Variants in UBE4B observed in about 807,000 individuals in gnomAD.
UBE4B encodes the protein ubiquitination factor E4B.
In UBE4B, 27 loss-of-function variants were observed where a neutral mutation model predicts 148.1. That is an observed-to-expected ratio of 0.18 (90% confidence interval 0.13 to 0.25). UBE4B has a LOEUF of 0.25. Among genes scored for constraint, UBE4B ranks in the 10% least tolerant of loss-of-function variants. The pLI, the probability that UBE4B is intolerant of heterozygous loss-of-function variation, is 1.00. For missense variants in UBE4B, 1,170 were observed against 1,662.4 expected, an observed-to-expected ratio of 0.70 and a Z score of 5.15; for synonymous variants, 596 against 619.3, an observed-to-expected ratio of 0.96 and a Z score of 0.56.
chr1:10,097,509 G>T (rs1644947480), intron 3 of UBE4B, among the ~76,000 whole-genome samples: 1 of 152,026 alleles, frequency 6.6e-6, no homozygotes, highest in Admixed American at 6.6e-5. Flanking sequence ...GCATTTGAAA[G>T]ATATTATTTT....
intron 3 of UBE4B, among the ~76,000 whole-genome samples, chr1:10,098,279 C>T (rs1327057108): frequency 1.3e-5 from 2 of 152,160 alleles, no homozygotes; most frequent in Admixed American, 6.6e-5. Flanking sequence ...TAAATATCAT[C>T]TACCATATTG....
intron 2 of UBE4B, 138 bp from the exon 3 acceptor site, chr1:10,095,322 TA>T: frequency 1.0e-6 from 1 of 984,316 alleles, no homozygotes; most frequent in Non-Finnish European, 1.5e-6. Flanking sequence ...GCTTTTTATA[TA>T]ATCTTCTGAT....
intron 11 of UBE4B, 95 bp downstream of exon 11, chr1:10,126,972 C>T: frequency 7.2e-6 from 8 of 1,114,146 alleles, no homozygotes; most frequent in Non-Finnish European, 8.0e-6. Flanking sequence ...ATGAGATCAA[C>T]CTTGTTTTCA....
At chr1:10,039,777 T>C (rs1487731517) in intron 1 of UBE4B, among the ~76,000 whole-genome samples, 1 of 152,008 alleles carries the variant, frequency 6.6e-6, no homozygotes, top group Non-Finnish European at 1.5e-5. Context: ...TTTTAGGGAT[T>C]TTAAGAGATT....
intron 3 of UBE4B, among the ~76,000 whole-genome samples, chr1:10,097,052 A>AAAAT (rs554089049): frequency 2.2e-5 from 3 of 138,514 alleles, no homozygotes; most frequent in Admixed American, 1.5e-4. Context: ...AAAAAAAAAA[A>AAAAT]AATAATAATA....
rs1646486023 is a variant in UBE4B at position 10,180,151 on chromosome 1, A to G, written c.*195A>G. 1.6e-6 allele frequency: 1 copy of G among 615,632 alleles called. No homozygotes were observed. The highest frequency in any genetic ancestry group is 1.8e-5 in the African/African-American group (1 of 54,058). 38.1% of individuals were successfully genotyped at this position (615,632 alleles called of 1,614,324 possible). ...AGAGGAGCCCGCTTCCTGTACATAT[A>G]TTTAAGTGACAAACACGGTCAAAAG... is the stretch of plus-strand genomic sequence containing the variant. On this transcript the variant is annotated 3_prime_UTR_variant, in exon 28 of 28. Coordinates refer to ENST00000343090, the MANE Select transcript of UBE4B (RefSeq NM_001105562.3).
At chr1:10,124,689 GAA>G (rs1557575473) in intron 10 of UBE4B, among the ~76,000 whole-genome samples, 1 of 152,122 alleles carries the variant, frequency 6.6e-6, no homozygotes, top group Non-Finnish European at 1.5e-5. Context: ...ATCTTTGACT[GAA>G]ATATCTACCT....
chr1:10,150,257 G>C (rs1056022040), intron 20 of UBE4B, among the ~76,000 whole-genome samples: 3 of 152,048 alleles, frequency 2.0e-5, no homozygotes, highest in African/African-American at 7.2e-5. Flanking sequence ...ATTTTGATTG[G>C]TATGAAATTT....
chr1:10,108,120 C>T (rs1462021331), intron 7 of UBE4B, among the ~76,000 whole-genome samples: 2 of 151,818 alleles, frequency 1.3e-5, no homozygotes, highest in South Asian at 2.1e-4. Flanking sequence ...TATTTAGTAA[C>T]GGGAGAGGGG....
intron 1 of UBE4B, among the ~76,000 whole-genome samples, chr1:10,057,457 C>G (rs1447166335): frequency 7.0e-6 from 1 of 142,880 alleles, no homozygotes; most frequent in East Asian, 2.0e-4. Flanking sequence ...GTGTCTGTTG[C>G]CCAGGCTGGA....
intron 10 of UBE4B, among the ~76,000 whole-genome samples, chr1:10,122,426 T>C (rs561865105): frequency 1.8e-3 from 273 of 152,338 alleles, no homozygotes; most frequent in Middle Eastern, 3.4e-3. Context: ...AGATAAGTAG[T>C]GTCAAAAATT....
intron 20 of UBE4B, among the ~76,000 whole-genome samples, chr1:10,150,602 C>T (rs1645954077): frequency 6.6e-6 from 1 of 152,204 alleles, no homozygotes; most frequent in Admixed American, 6.5e-5. Flanking sequence ...TGGCTCATGC[C>T]TGTAATCCCA....
At chr1:10,120,411 C>T (rs6664155) in intron 9 of UBE4B, among the ~76,000 whole-genome samples, 141,004 of 152,292 alleles carry the variant, frequency 0.93, 65,417 homozygotes, top group African/African-American at 0.98. Context: ...TAATCCCAGC[C>T]ACCTGGGAGG....
chr1:10,088,837 C>T (rs1398603272), intron 2 of UBE4B, among the ~76,000 whole-genome samples: 1 of 151,860 alleles, frequency 6.6e-6, no homozygotes, highest in Admixed American at 6.6e-5. Flanking sequence ...CACCACCATG[C>T]CCAACTAATT....
intron 2 of UBE4B, among the ~76,000 whole-genome samples, chr1:10,092,822 C>T (rs1245426384): frequency 2.0e-5 from 3 of 150,530 alleles, no homozygotes; most frequent in Non-Finnish European, 4.4e-5. Flanking sequence ...GAGTGAAACT[C>T]TATCTCAAAA....
Position 10,168,474 on chromosome 1 carries a change from C to T in UBE4B, c.3333+204C>T, listed in dbSNP as rs1288044541. 6.6e-6 allele frequency among the ~76,000 whole-genome samples: 1 copy of T among 152,208 alleles called. No homozygotes were observed. Among genetic ancestry groups the T allele is most frequent in the Non-Finnish European group, 1.5e-5 (1 of 68,044 alleles). On this transcript the variant is annotated intron_variant, in intron 24 of 27. Transcript: ENST00000343090. This position sits in a 1 kb window ranked among gnomAD's most constrained non-coding sequence, Gnocchi z 4.9. ...ACTGAAGAGCAGATGTCTGATGTCA[C>T]CACATAGTCTACAGCCACTTCCAAA... is the stretch of plus-strand genomic sequence containing the variant.
chr1:10,046,816 C>T (rs181869557), intron 1 of UBE4B, among the ~76,000 whole-genome samples: 1 of 152,304 alleles, frequency 6.6e-6, no homozygotes, highest in East Asian at 1.9e-4. Flanking sequence ...TACTTAGCCC[C>T]AAATTACCAG....
chr1:10,132,449 C>T lies in UBE4B; in HGVS notation c.1992C>T (p.Val664=), dbSNP rs1288265543. 3 of 1,614,050 alleles carry T rather than the reference C, an allele frequency of 1.9e-6. No homozygotes were observed. The highest frequency in any genetic ancestry group is 2.5e-6 in the Non-Finnish European group (3 of 1,180,034). Residue 664 remains valine (V), a synonymous_variant, in exon 15 of 28, where the codon GTC becomes GTT. Transcript: ENST00000343090. ...CTGCTCTCAGTTACATGGCGGCTGT[C>T]GTCAATGCCAATATGAAGAAAGCAC... ...REAALSYMAA[V]VNANMKKAQM... is the part of the protein sequence containing the mutation.
At chr1:10,055,185 T>C (rs1644138986) in intron 1 of UBE4B, among the ~76,000 whole-genome samples, 1 of 152,176 alleles carries the variant, frequency 6.6e-6, no homozygotes, top group African/African-American at 2.4e-5. Flanking sequence ...ATGTTATGAT[T>C]AGAATGGGTT....
Sources: gnomAD v4.1 joint callset for allele counts (sites outside exome capture counted in the v4.1 genomes callset) on GRCh38, gnomAD v4.1.1 for gene constraint, Gnocchi (gnomAD v3.1) non-coding constraint, MANE v1.5 for transcripts, NCBI Gene and HGNC (gene_info 2026-07-23, HGNC 2026-07-21) for gene names.